Variants in PRKG2 observed in about 807,000 individuals in gnomAD.
PRKG2 encodes the protein protein kinase cGMP-dependent 2.
PRKG2 carries 33 observed loss-of-function variants against 97.2 expected under a neutral mutation model. That is an observed-to-expected ratio of 0.34 (90% CI 0.26 to 0.45). The LOEUF is 0.45. Ranked by LOEUF, PRKG2 falls within the 20% of genes least tolerant of loss-of-function variation. The probability of loss-of-function intolerance (pLI) is 1.00; values close to 1 mark genes in which losing one functional copy is unlikely to be tolerated. For synonymous variants in PRKG2, 330 were observed against 321.8 expected (o/e 1.03, Z -0.27); for missense variants, 638 against 900.0 (o/e 0.71, Z 3.73).
rs1029259249 is a variant in PRKG2 at position 81,206,243 on chromosome 4, A to C, written c.-13-1183T>G. 2.0e-5 allele frequency among the ~76,000 whole-genome samples: 3 copies of C among 152,192 alleles called. No individual in the cohort carries two copies. The South Asian group carries it at 6.2e-4, about 31-fold the overall frequency. The stretch of plus-strand genomic sequence containing the variant: ...TTAAACTTCATATTTTTGCACATGC[A>C]GTTTTTGACAGCTGATATCATTTGG... On this transcript the variant is annotated intron_variant, in intron 1 of 18. Coordinates refer to ENST00000264399, the MANE Select transcript of PRKG2 (RefSeq NM_006259.3).
chr4:81,163,222 G>A (rs1749711433), intron 6 of PRKG2, among the ~76,000 whole-genome samples: 1 of 152,144 alleles, frequency 6.6e-6, no homozygotes, highest in Non-Finnish European at 1.5e-5. Flanking sequence ...ATATATAGTG[G>A]TAAGTACTGA....
chr4:81,092,601 T>G, intron 17 of PRKG2, 149 bp from the exon 18 acceptor site: 1 of 613,954 alleles, frequency 1.6e-6, no homozygotes. Flanking sequence ...TAAATAGCAC[T>G]TATATGCTAA....
At chr4:81,163,863 TACAC>T (rs5859761) in intron 6 of PRKG2, among the ~76,000 whole-genome samples, 27,086 of 144,570 alleles carry the variant, frequency 0.19, 2,558 homozygotes, top group Middle Eastern at 0.28. Context: ...AGATGTATAG[TACAC>T]ACACACACAC....
chr4:81,118,189 C>T (rs1470877829), intron 14 of PRKG2, among the ~76,000 whole-genome samples: 1 of 152,154 alleles, frequency 6.6e-6, no homozygotes, highest in East Asian at 1.9e-4. Context: ...CTTTTTAGCA[C>T]TGAAAAATAC....
At chr4:81,189,894 A>G (rs903932501) in intron 2 of PRKG2, among the ~76,000 whole-genome samples, 15 of 152,328 alleles carry the variant, frequency 9.8e-5, no homozygotes, top group African/African-American at 3.1e-4. Flanking sequence ...CTCTTCATGG[A>G]GAACTACAAA....
chr4:81,189,949 C>T (rs753447002), intron 2 of PRKG2, among the ~76,000 whole-genome samples: 5 of 152,098 alleles, frequency 3.3e-5, no homozygotes, highest in Non-Finnish European at 7.4e-5. Flanking sequence ...AATGGAAAAA[C>T]ATTCCATGCT....
At chr4:81,197,377 C>A (rs1238389531) in intron 2 of PRKG2, among the ~76,000 whole-genome samples, 1 of 152,174 alleles carries the variant, frequency 6.6e-6, no homozygotes, top group Non-Finnish European at 1.5e-5. Context: ...TTGTTAAAAG[C>A]CAGCACTGCT....
At chr4:81,129,736 T>G (rs573510612) in intron 14 of PRKG2, among the ~76,000 whole-genome samples, 69 of 152,344 alleles carry the variant, frequency 4.5e-4, no homozygotes, top group African/African-American at 1.6e-3. Context: ...TCTTTGCACA[T>G]GAGACGGTTC....
At chr4:81,203,649 A>C (rs1015411110) in intron 2 of PRKG2, among the ~76,000 whole-genome samples, 8 of 152,140 alleles carry the variant, frequency 5.3e-5, no homozygotes, top group Non-Finnish European at 1.0e-4. Flanking sequence ...CTAACTAATG[A>C]TGTTTCTAAT....
rs571697170 is a variant in PRKG2, at chr4:81,088,932, T to C, written c.*776A>G. ...TTTCTACTCTGGTTGTGAAAATATTTTAGCATCATTTAACCACACATTGTA... is the reference window on the plus strand; with the variant it reads ...TTTCTACTCTGGTTGTGAAAATATTCTAGCATCATTTAACCACACATTGTA... On this transcript the variant is annotated 3_prime_UTR_variant, in exon 19 of 19. Coordinates refer to ENST00000264399, the MANE Select transcript of PRKG2 (RefSeq NM_006259.3). The C allele has an allele frequency of 6.6e-6, 1 of 152,342 alleles. No individual in the cohort carries two copies. Among genetic ancestry groups the C allele is most frequent in the African/African-American group, 2.4e-5 (1 of 41,596 alleles). The allele number at this position is 152,342 out of a possible 1,614,324, so 9.4% of individuals were successfully genotyped here. A position where few individuals can be genotyped will look rare whatever the true frequency, so the allele number is the denominator to read the frequency against.
chr4:81,152,479 T>C (rs934705630), intron 7 of PRKG2, among the ~76,000 whole-genome samples: 6 of 152,186 alleles, frequency 3.9e-5, no homozygotes, highest in Non-Finnish European at 5.9e-5. Context: ...TATCAATAGA[T>C]TGACTGGCCG....
At chr4:81,177,206 T>C (rs1751004523) in intron 2 of PRKG2, among the ~76,000 whole-genome samples, 1 of 152,194 alleles carries the variant, frequency 6.6e-6, no homozygotes, top group African/African-American at 2.4e-5. Context: ...AGTACTTATA[T>C]TCATATCTAT....
At chr4:81,193,128 C>T (rs1752687787) in intron 2 of PRKG2, 1 of 152,286 alleles carries the variant, frequency 6.6e-6, no homozygotes, top group Middle Eastern at 3.4e-3. Flanking sequence ...GTGACCTTGA[C>T]CTTCCTTCAT....
chr4:81,179,720 T>A (rs925955186), intron 2 of PRKG2, among the ~76,000 whole-genome samples: 19 of 152,098 alleles, frequency 1.2e-4, no homozygotes, highest in Non-Finnish European at 2.8e-4. Flanking sequence ...TAAATGGAGT[T>A]AACACAATTT....
At chr4:81,138,227 G>C (rs111698091) in intron 12 of PRKG2, among the ~76,000 whole-genome samples, 18 of 152,246 alleles carry the variant, frequency 1.2e-4, no homozygotes, top group African/African-American at 4.3e-4. Context: ...TGGGGGAATG[G>C]GGGCCTCAGT....
At chr4:81,124,887 T>C (rs1035989484) in intron 14 of PRKG2, among the ~76,000 whole-genome samples, 4 of 152,352 alleles carry the variant, frequency 2.6e-5, no homozygotes, top group Admixed American at 6.5e-5. Context: ...CAGTTTAGAA[T>C]TGTGGGGGTC....
intron 2 of PRKG2, among the ~76,000 whole-genome samples, chr4:81,194,211 T>C (rs965173707): frequency 6.6e-6 from 1 of 152,200 alleles, no homozygotes. Context: ...TTGCACATAT[T>C]AGAAACTTGA....
intron 14 of PRKG2, among the ~76,000 whole-genome samples, chr4:81,120,954 C>T (rs1384815813): frequency 1.3e-5 from 2 of 152,086 alleles, no homozygotes; most frequent in South Asian, 2.1e-4. Context: ...TTTATCATGT[C>T]GAGAAAGTTC....
intron 2 of PRKG2, among the ~76,000 whole-genome samples, chr4:81,197,440 TA>T (rs1017422768): frequency 6.6e-6 from 1 of 152,216 alleles, no homozygotes; most frequent in Non-Finnish European, 1.5e-5. Context: ...GAAACTGCTA[TA>T]AATATCCTAC....
Sources: allele counts gnomAD v4.1 joint callset (sites outside exome capture counted in the v4.1 genomes callset), GRCh38; gene constraint gnomAD v4.1.1; transcripts MANE v1.5; gene names NCBI Gene and HGNC (gene_info 2026-07-23, HGNC 2026-07-21).